SCAPER: variants seen among roughly 807,000 people sequenced by gnomAD.
SCAPER encodes the protein S phase cyclin A-associated protein in the endoplasmic reticulum.
A neutral mutation model predicts 182.2 loss-of-function variants in SCAPER; 98 were observed. That is an observed-to-expected ratio of 0.54 (90% CI 0.46 to 0.64). The LOEUF (loss-of-function observed/expected upper bound fraction) is 0.64. Ranked by LOEUF, SCAPER falls within the 30% of genes least tolerant of loss-of-function variation. The pLI is 0.00. For synonymous variants in SCAPER, 605 were observed against 564.6 expected, an observed-to-expected ratio of 1.07 and a Z score of -1.01; for missense variants, 1,432 against 1,690.0, an observed-to-expected ratio of 0.85 and a Z score of 2.68.
chr15:76,786,184 G>A (rs1423650903), intron 8 of SCAPER, among the ~76,000 whole-genome samples: 1 of 151,894 alleles, frequency 6.6e-6, no homozygotes, highest in African/African-American at 2.4e-5. Flanking sequence ...AAAATTAGCT[G>A]GGCGTGGTGG....
chr15:76,729,295 T>TATACACAC (rs2060777136), intron 16 of SCAPER, among the ~76,000 whole-genome samples: 1 of 144,196 alleles, frequency 6.9e-6, no homozygotes, highest in Non-Finnish European at 1.5e-5. Flanking sequence ...TATATACACA[T>TATACACAC]ACACACACAC....
rs548941994 is a variant in SCAPER at position 76,766,933 on chromosome 15, G to A, written c.1404C>T (p.Asn468=). ...AAAAGCTCACAGAAAAATCACTGTC[G>A]TTGTCAGTTTCAATGTTAATATCAT... ...ENNDINIETD[N]DSDFSASMGS... Residue 468 remains asparagine, a synonymous_variant, in exon 11 of 32, where the codon AAC becomes AAT. Transcript: ENST00000563290. 106 of 1,595,812 alleles carry A rather than the reference G, an allele frequency of 6.6e-5. No homozygotes were observed. The highest frequency in any genetic ancestry group is 8.5e-5 in the Non-Finnish European group (100 of 1,175,454).
intron 23 of SCAPER, among the ~76,000 whole-genome samples, chr15:76,559,490 A>G (rs1189023488): frequency 6.6e-6 from 1 of 152,154 alleles, no homozygotes; most frequent in African/African-American, 2.4e-5. Flanking sequence ...CTCCCCAGCC[A>G]TATGGAACTG....
chr15:76,800,665 G>A (rs375610456), intron 6 of SCAPER, among the ~76,000 whole-genome samples: 2 of 152,256 alleles, frequency 1.3e-5, no homozygotes, highest in South Asian at 4.1e-4. Flanking sequence ...CGCTACTTAC[G>A]ATTTATAAGC....
chr15:76,513,351 C>A (rs1224173036), intron 23 of SCAPER, among the ~76,000 whole-genome samples: 2 of 152,084 alleles, frequency 1.3e-5, no homozygotes, highest in Non-Finnish European at 2.9e-5. Context: ...CATTCCCTAA[C>A]AGTTTATACA....
chr15:76,710,242 T>C (rs1371408710), intron 17 of SCAPER, among the ~76,000 whole-genome samples: 1 of 152,106 alleles, frequency 6.6e-6, no homozygotes, highest in East Asian at 1.9e-4. Flanking sequence ...TATTCACAGA[T>C]GCCATAAGCC....
At chr15:76,780,896 G>T (rs149677611) in intron 8 of SCAPER, among the ~76,000 whole-genome samples, 63 of 152,272 alleles carry the variant, frequency 4.1e-4, no homozygotes, top group Middle Eastern at 3.4e-3. Context: ...CAACATCAAG[G>T]ATCAAAGGTA....
chr15:76,580,755 C>T (rs956846471), intron 22 of SCAPER, among the ~76,000 whole-genome samples: 15 of 151,808 alleles, frequency 9.9e-5, no homozygotes, highest in Admixed American at 4.6e-4. Context: ...TCTTAAAGAA[C>T]GAGAAAAGCA....
chr15:76,748,951 T>C (rs1052703944), intron 15 of SCAPER, among the ~76,000 whole-genome samples: 1 of 151,708 alleles, frequency 6.6e-6, no homozygotes, highest in Admixed American at 6.6e-5. Context: ...AACAATAAAT[T>C]GTATCAATTC....
chr15:76,409,050 T>C (rs1259402894), intron 26 of SCAPER, among the ~76,000 whole-genome samples: 1 of 152,186 alleles, frequency 6.6e-6, no homozygotes, highest in Non-Finnish European at 1.5e-5. Flanking sequence ...CAGTGCCTAC[T>C]AATGAGTCAG....
intron 6 of SCAPER, among the ~76,000 whole-genome samples, chr15:76,800,941 C>CT (rs1452370068): frequency 6.6e-6 from 1 of 152,238 alleles, no homozygotes; most frequent in Non-Finnish European, 1.5e-5. Flanking sequence ...AACCAATTGG[C>CT]TTACAGGATG....
chr15:76,575,553 C>T (rs2047756040), intron 22 of SCAPER, among the ~76,000 whole-genome samples: 1 of 152,224 alleles, frequency 6.6e-6, no homozygotes, highest in African/African-American at 2.4e-5. Context: ...CCAGACAGGA[C>T]TAATTTCACC....
At chr15:76,593,384 G>A (rs560868532) in intron 22 of SCAPER, among the ~76,000 whole-genome samples, 2 of 121,404 alleles carry the variant, frequency 1.6e-5, no homozygotes, top group East Asian at 2.2e-4. Context: ...AGGGGCGGCT[G>A]TGGGCACAGC....
At chr15:76,817,561 GT>G (rs1159331668) in intron 5 of SCAPER, among the ~76,000 whole-genome samples, 2 of 152,100 alleles carry the variant, frequency 1.3e-5, no homozygotes, top group Non-Finnish European at 2.9e-5. Flanking sequence ...TAAAAGAGTA[GT>G]TTTGTTACTC....
At chr15:76,489,366 G>A (rs1380460547) in intron 24 of SCAPER, among the ~76,000 whole-genome samples, 1 of 151,238 alleles carries the variant, frequency 6.6e-6, no homozygotes, top group African/African-American at 2.4e-5. Context: ...TTGAACAAAT[G>A]CATTCAGTTG....
chr15:76,373,760 G>A (rs1169003049), intron 29 of SCAPER, among the ~76,000 whole-genome samples: 3 of 152,216 alleles, frequency 2.0e-5, no homozygotes, highest in African/African-American at 7.2e-5. Context: ...TTCAGGGAAT[G>A]CACTGAACAT....
intron 2 of SCAPER, among the ~76,000 whole-genome samples, chr15:76,882,192 G>A (rs2073587099): frequency 6.6e-6 from 1 of 152,036 alleles, no homozygotes; most frequent in South Asian, 2.1e-4. Flanking sequence ...GAGGTCAGGA[G>A]TTCAAGATCA....
intron 2 of SCAPER, among the ~76,000 whole-genome samples, chr15:76,871,171 A>C (rs2072699116): frequency 6.6e-6 from 1 of 152,124 alleles, no homozygotes; most frequent in African/African-American, 2.4e-5. Flanking sequence ...GCACTTTGGG[A>C]GTTCAAGGCG....
chr15:76,525,731 T>C (rs1044883557), intron 23 of SCAPER, among the ~76,000 whole-genome samples: 3 of 152,242 alleles, frequency 2.0e-5, no homozygotes, highest in Non-Finnish European at 2.9e-5. Flanking sequence ...GGTGTATATA[T>C]ACCACATTTT....
Sources: gnomAD v4.1 joint callset for allele counts (sites outside exome capture counted in the v4.1 genomes callset) on GRCh38, gnomAD v4.1.1 for gene constraint, MANE v1.5 for transcripts, NCBI Gene and HGNC (gene_info 2026-07-23, HGNC 2026-07-21) for gene names.